The following SLC24A4 variants were observed in gnomAD, a reference collection of about 807,000 sequenced individuals.
SLC24A4 encodes the protein solute carrier family 24 member 4.
Under a neutral mutation model 79.0 loss-of-function variants are expected in SLC24A4, and 53 were observed. The observed-to-expected ratio is 0.67, with a 90% CI of 0.54 to 0.84. SLC24A4 has a LOEUF of 0.84. SLC24A4 is among the 40% of genes least tolerant of loss of function. SLC24A4 has a pLI of 0.00. For missense variants in SLC24A4, 731 were observed against 822.0 expected (o/e 0.89, Z 1.35); for synonymous variants, 323 against 323.8 (o/e 1.00, Z 0.03).
intron 12 of SLC24A4, among the ~76,000 whole-genome samples, chr14:92,473,764 T>G (rs1462199521): frequency 6.6e-6 from 1 of 152,190 alleles, no homozygotes; most frequent in East Asian, 1.9e-4. Context: ...CCTCTCCTGA[T>G]TTCACAATTT....
chr14:92,450,089 A>T (rs1460432321), intron 10 of SLC24A4: 1 of 152,278 alleles, frequency 6.6e-6, no homozygotes, highest in Non-Finnish European at 1.5e-5. Flanking sequence ...CTCCACCCAC[A>T]GTGTTGGGCA....
rs1389775619 is a variant in SLC24A4 at position 92,442,820 on chromosome 14, A to G, written c.582+4A>G. ...GTGCGGACTGTTTGCTGGCCAGGTCAGTGGTTTCTCCCTGGGCCCGGCAGA... is the reference window on the plus strand; with the variant it reads ...GTGCGGACTGTTTGCTGGCCAGGTCGGTGGTTTCTCCCTGGGCCCGGCAGA... On this transcript the variant is annotated splice_donor_region_variant and intron_variant, in intron 6 of 16. Transcript: ENST00000532405. The G allele has an allele frequency of 1.2e-6, 2 of 1,612,406 alleles. No homozygotes were observed. The highest frequency in any genetic ancestry group is 2.2e-5 in the East Asian group (1 of 44,874).
chr14:92,485,747 C>G (rs1221287224), intron 13 of SLC24A4, among the ~76,000 whole-genome samples: 2 of 152,106 alleles, frequency 1.3e-5, no homozygotes, highest in East Asian at 3.8e-4. Context: ...AAATTCTTCT[C>G]TAGTTACAGA....
chr14:92,343,582 TTC>T (rs1555360252), intron 2 of SLC24A4, among the ~76,000 whole-genome samples: 1 of 67,442 alleles, frequency 1.5e-5, no homozygotes, highest in Non-Finnish European at 3.1e-5. Context: ...AATTACTGTT[TTC>T]TTTCTTTCTT....
At chr14:92,364,845 C>T (rs1183164993) in intron 2 of SLC24A4, among the ~76,000 whole-genome samples, 4 of 152,210 alleles carry the variant, frequency 2.6e-5, no homozygotes, top group Non-Finnish European at 5.9e-5. Context: ...GCATGTCTGG[C>T]ACAGACTGGG....
chr14:92,433,334 G>A (rs1382233221), intron 2 of SLC24A4, among the ~76,000 whole-genome samples: 1 of 152,238 alleles, frequency 6.6e-6, no homozygotes, highest in Admixed American at 6.5e-5. Context: ...TTGCAGGAAT[G>A]ATACTCAAAC....
At chr14:92,439,131 T>C (rs960264774) in intron 3 of SLC24A4, among the ~76,000 whole-genome samples, 1 of 152,202 alleles carries the variant, frequency 6.6e-6, no homozygotes, top group Admixed American at 6.5e-5. Context: ...CTGCTCAGCA[T>C]GTTATCTCCT....
At chr14:92,342,934 A>T (rs1489687732) in intron 2 of SLC24A4, among the ~76,000 whole-genome samples, 2 of 152,190 alleles carry the variant, frequency 1.3e-5, no homozygotes, top group Non-Finnish European at 2.9e-5. Context: ...TCCAGTCTGG[A>T]TCTGGGTGAG....
At chr14:92,493,346 G>A in intron 16 of SLC24A4, 130 bp from the exon 17 acceptor site, 1 of 1,100,158 alleles carries the variant, frequency 9.1e-7, no homozygotes, top group Non-Finnish European at 1.3e-6. Flanking sequence ...TCAGACTGCA[G>A]CACCCCGCTA....
At chr14:92,401,114 GACT>G (rs1890091252) in intron 2 of SLC24A4, among the ~76,000 whole-genome samples, 1 of 152,154 alleles carries the variant, frequency 6.6e-6, no homozygotes, top group African/African-American at 2.4e-5. Flanking sequence ...AAAGAGAAAA[GACT>G]ACAGCTCATC....
chr14:92,334,164 T>G (rs1885641792), intron 2 of SLC24A4, among the ~76,000 whole-genome samples: 3 of 152,100 alleles, frequency 2.0e-5, no homozygotes, highest in Non-Finnish European at 4.4e-5. Context: ...TAAAAGCAAA[T>G]TTTGAGTTAG....
At chr14:92,418,310 C>T (rs749968481) in intron 2 of SLC24A4, among the ~76,000 whole-genome samples, 2 of 152,162 alleles carry the variant, frequency 1.3e-5, no homozygotes, top group Admixed American at 6.5e-5. Flanking sequence ...TTGAACTCTA[C>T]GTGCTCGTCC....
intron 2 of SLC24A4, among the ~76,000 whole-genome samples, chr14:92,409,085 G>A (rs1178637356): frequency 1.3e-5 from 2 of 152,138 alleles, no homozygotes; most frequent in Non-Finnish European, 2.9e-5. Flanking sequence ...GGTGGGACTG[G>A]GTCAGGACGG....
intron 9 of SLC24A4, among the ~76,000 whole-genome samples, chr14:92,448,341 TACATACACAC>T (rs1892919151): frequency 5.4e-5 from 1 of 18,634 alleles, no homozygotes; most frequent in South Asian, 1.5e-3. Flanking sequence ...TTTTTCCCAC[TACATACACAC>T]ACACACACAC....
intron 3 of SLC24A4, among the ~76,000 whole-genome samples, chr14:92,436,560 T>G (rs1173912562): frequency 1.3e-5 from 2 of 152,272 alleles, no homozygotes; most frequent in Admixed American, 1.3e-4. Flanking sequence ...AAAATATTAC[T>G]ATCTAACCCT....
chr14:92,486,579 C>A, intron 13 of SLC24A4, 87 bp from the exon 14 acceptor site: 2 of 794,374 alleles, frequency 2.5e-6, no homozygotes, highest in Non-Finnish European at 2.1e-6. Context: ...CTGTTTCCTA[C>A]GCTTACAGTG....
In SLC24A4 at chr14:92,499,007, T is replaced by G. The variant is rs776940701; in HGVS notation, c.*5379T>G. The G allele has an allele frequency of 2.0e-5, 3 of 152,234 alleles. No homozygotes were observed. Among genetic ancestry groups the G allele is most frequent in the Non-Finnish European group, 4.4e-5 (3 of 68,048 alleles). 9.4% of individuals were successfully genotyped at this position (152,234 alleles called of 1,614,324 possible). ...CTGTTCTGCAACCAGGGTGGAGCTATCTTTCCAGGGAAGCCAGCTGAGAGG... is the reference window on the plus strand; with the variant it reads ...CTGTTCTGCAACCAGGGTGGAGCTAGCTTTCCAGGGAAGCCAGCTGAGAGG... On this transcript the variant is annotated 3_prime_UTR_variant, in exon 17 of 17. Coordinates refer to ENST00000532405, the MANE Select transcript of SLC24A4 (RefSeq NM_153646.4).
rs112120101 is a variant in SLC24A4 at position 92,351,236 on chromosome 14, G to GCGCGCACACACACACACACACA, written c.241+25259_241+25260insGCGCACACACACACACACACAC. Among the ~76,000 whole-genome samples, 1,425 of 147,020 alleles carry GCGCGCACACACACACACACACA rather than the reference G, an allele frequency of 9.7e-3. 13 individuals carry two copies. Among genetic ancestry groups the GCGCGCACACACACACACACACA allele is most frequent in the Admixed American group, 0.014 (203 of 14,646 alleles). On this transcript the variant is annotated intron_variant, in intron 2 of 16. Transcript: ENST00000532405. The stretch of plus-strand genomic sequence containing the variant: ...CTCTCTTTCACACACACACATACAC[G>GCGCGCACACACACACACACACA]CACACACACACACACACACACAAAA...
At chr14:92,492,959 AACACACACACACAC>A (rs551206469) in intron 16 of SLC24A4, 6,959 of 298,800 alleles carry the variant, frequency 0.023, 92 homozygotes, top group South Asian at 0.028. Context: ...CTCTACCCCA[AACACACACACACAC>A]ACACACACAC....
Sources: allele counts gnomAD v4.1 joint callset (sites outside exome capture counted in the v4.1 genomes callset), GRCh38; gene constraint gnomAD v4.1.1; transcripts MANE v1.5; gene names NCBI Gene and HGNC (gene_info 2026-07-23, HGNC 2026-07-21).